Variants in NELL2 observed in about 807,000 individuals in gnomAD.
NELL2 encodes protein kinase C-binding protein NELL2.
Under a neutral mutation model 109.6 loss-of-function variants are expected in NELL2, and 41 were observed. The ratio of observed to expected loss-of-function variants is 0.37; its 90% CI spans 0.29 to 0.49. The LOEUF is 0.49. Among genes scored for constraint, NELL2 ranks in the 20% least tolerant of loss-of-function variants. The pLI, the probability that NELL2 is intolerant of heterozygous loss-of-function variation, is 0.98. For synonymous variants in NELL2, 355 were observed against 344.7 expected (o/e 1.03, Z -0.33); for missense variants, 900 against 1,008.3 (o/e 0.89, Z 1.45).
intron 15 of NELL2, among the ~76,000 whole-genome samples, chr12:44,590,791 G>C (rs939660263): frequency 1.3e-5 from 2 of 151,998 alleles, no homozygotes; most frequent in African/African-American, 4.8e-5. Flanking sequence ...AAACCGAAAA[G>C]CTTCTGCATA....
chr12:44,598,852 A>AACACACACAC (rs1555183174), intron 15 of NELL2, among the ~76,000 whole-genome samples: 2 of 60,096 alleles, frequency 3.3e-5, no homozygotes, highest in Non-Finnish European at 6.1e-5. Context: ...GTAAGAAAGA[A>AACACACACAC]ATACACACAC....
At chr12:44,875,786 T>C (rs1419076006) in intron 1 of NELL2, 29 bp downstream of exon 1, 2 of 1,612,672 alleles carry the variant, frequency 1.2e-6, no homozygotes, top group Non-Finnish European at 8.5e-7. Context: ...GCCATCCCTT[T>C]CCCCAGCCCC....
At chr12:44,896,272 A>G (rs1436055567) in intron 1 of NELL2, among the ~76,000 whole-genome samples, 2 of 152,204 alleles carry the variant, frequency 1.3e-5, no homozygotes, top group South Asian at 2.1e-4. Context: ...TGAAATACAC[A>G]GCAAAGTTTA....
At position 44,573,818 on chromosome 12, in the gene NELL2, A is replaced by G. The variant is rs569967146; in HGVS notation, c.1663+33351T>C. On this transcript the variant is annotated intron_variant, in intron 15 of 19. Transcript: ENST00000429094. The stretch of plus-strand genomic sequence containing the variant: ...AGGAAACATTTAAGAAGTATTTAAT[A>G]TGAGAATTCCTCACAACGCAGAAAG... 1.1e-4 allele frequency among the ~76,000 whole-genome samples: 16 copies of G among 152,318 alleles called. No individual in the cohort carries two copies. In the South Asian group the frequency reaches 3.3e-3, roughly 32 times the overall value.
chr12:44,584,472 T>C (rs1944426395), intron 15 of NELL2, among the ~76,000 whole-genome samples: 1 of 152,244 alleles, frequency 6.6e-6, no homozygotes, highest in Admixed American at 6.5e-5. Context: ...AACCAGCTCT[T>C]TCTGTTTCAT....
Position 44,667,664 on chromosome 12 carries a change from C to T in NELL2, c.1319-2055G>A, listed in dbSNP as rs1461426644. Among the ~76,000 whole-genome samples the T allele has an allele frequency of 2.0e-5, 3 of 152,114 alleles. No individual in the cohort carries two copies. In the East Asian group the frequency reaches 5.8e-4, roughly 29 times the overall value. Reference sequence around the variant, plus strand: ...AGGATCATAACAGCGAGTAGATAGCCACATGTCAAATTGAGTTTCTAACAG... The same window carrying T: ...AGGATCATAACAGCGAGTAGATAGCTACATGTCAAATTGAGTTTCTAACAG... On this transcript the variant is annotated intron_variant, in intron 12 of 19. Transcript: ENST00000429094.
upstream of NELL2, chr12:44,876,437 T>A: frequency 1.6e-6 from 2 of 1,282,190 alleles, no homozygotes; most frequent in Non-Finnish European, 2.0e-6. Flanking sequence ...TCAGCGTCGG[T>A]CTCCCGCACG....
At chr12:44,631,805 G>A (rs915491202) in intron 13 of NELL2, among the ~76,000 whole-genome samples, 4 of 152,068 alleles carry the variant, frequency 2.6e-5, no homozygotes, top group Non-Finnish European at 5.9e-5. Flanking sequence ...TTGAAGATGA[G>A]AGACCATTTC....
intron 1 of NELL2, among the ~76,000 whole-genome samples, chr12:44,897,275 G>A (rs1945603582): frequency 6.6e-6 from 1 of 152,102 alleles, no homozygotes; most frequent in African/African-American, 2.4e-5. Flanking sequence ...AATAAGACAT[G>A]AGAAAGAGGA....
chr12:44,868,912 G>C (rs145219678), intron 2 of NELL2, among the ~76,000 whole-genome samples: 11 of 152,122 alleles, frequency 7.2e-5, no homozygotes, highest in African/African-American at 2.7e-4. Context: ...AGTACATGAG[G>C]TAATGAATAT....
Position 44,559,358 on chromosome 12 carries a change from G to GC in NELL2, c.1664-26638dup, listed in dbSNP as rs1488861365. On this transcript the variant is annotated intron_variant, in intron 15 of 19. Transcript: ENST00000429094. ...AACCTTAAATGTAAATAGGTTAAAT[G>GC]CCCCAATTAAAAGACACAGACTAGC... Among the ~76,000 whole-genome samples, 6 of 152,140 alleles carry GC rather than the reference G, an allele frequency of 3.9e-5. No individual in the cohort carries two copies. The East Asian group carries it at 1.2e-3, about 29-fold the overall frequency.
upstream of NELL2, chr12:44,876,875 T>C: frequency 7.8e-7 from 1 of 1,284,394 alleles, no homozygotes; most frequent in South Asian, 2.5e-5. Context: ...ATGGCGAGCC[T>C]GGGAAGCCCC....
At chr12:44,592,982 C>T (rs4768065) in intron 15 of NELL2, among the ~76,000 whole-genome samples, 127,958 of 152,172 alleles carry the variant, frequency 0.84, 54,205 homozygotes, top group East Asian at 1. Flanking sequence ...AAATTTGGAA[C>T]ACTCTGCTAC....
chr12:44,785,064 T>C (rs1942112984), intron 3 of NELL2, among the ~76,000 whole-genome samples: 1 of 152,156 alleles, frequency 6.6e-6, no homozygotes, highest in Admixed American at 6.5e-5. Context: ...ATAAAGTGTA[T>C]TCAAATAGGA....
At chr12:44,830,887 C>A (rs1943866300) in intron 2 of NELL2, among the ~76,000 whole-genome samples, 1 of 151,820 alleles carries the variant, frequency 6.6e-6, no homozygotes, top group Middle Eastern at 3.2e-3. Context: ...AAATCTCATT[C>A]TCTCCCTCTC....
At chr12:44,914,761 T>C (rs537359183), upstream of NELL2, among the ~76,000 whole-genome samples, 249 of 152,030 alleles carry the variant, frequency 1.6e-3, 1 homozygote, top group African/African-American at 5.7e-3. Flanking sequence ...ACTCCTGGAG[T>C]GTAGAGAAAG....
chr12:44,631,453 TTAGA>T (rs928157489), intron 13 of NELL2, among the ~76,000 whole-genome samples: 52 of 151,922 alleles, frequency 3.4e-4, no homozygotes, highest in Admixed American at 1.3e-4. Context: ...TAAGGAAATA[TTAGA>T]TAGAAATTTA....
chr12:44,508,840 G>T lies in NELL2; in HGVS notation c.*94C>A. ...GCTATTAACAAAGCTGCATTTAGCT[G>T]CCCACAAATCACCCAATTTAAGTTT... is the stretch of plus-strand genomic sequence containing the variant. On this transcript the variant is annotated 3_prime_UTR_variant, in exon 20 of 20. Transcript: ENST00000429094. 2 of 1,037,796 alleles carry T rather than the reference G, an allele frequency of 1.9e-6. No individual in the cohort carries two copies. Among genetic ancestry groups the T allele is most frequent in the Non-Finnish European group, 2.9e-6 (2 of 679,342 alleles). The allele number at this position is 1,037,796 out of a possible 1,614,324, so 64.3% of individuals were successfully genotyped here.
Position 44,665,526 on chromosome 12 carries a change from A to T in NELL2, c.1402T>A (p.Cys468Ser). The T allele has an allele frequency of 6.2e-7, 1 of 1,613,584 alleles. No individual in the cohort carries two copies. The highest frequency in any genetic ancestry group is 8.5e-7 in the Non-Finnish European group (1 of 1,179,538). The change falls in exon 13 of 20, where the codon TGC (cysteine) becomes AGC (serine). Residue 468 changes from cysteine to serine, a missense_variant. This residue lies in a region of NELL2 where 292 missense variants were observed against 265.3 expected (regional missense o/e 1.10). Coordinates refer to ENST00000429094, the MANE Select transcript of NELL2 (RefSeq NM_001145108.2). ...VNTPGSFMCICKTGYIRIDDY... is the reference protein window; with the variant it reads ...VNTPGSFMCISKTGYIRIDDY... Reference sequence around the variant, plus strand: ...TCAATTCTGATGTATCCAGTTTTGCAGATGCACATAAAAGAACCCGGGGTG... The same window carrying T: ...TCAATTCTGATGTATCCAGTTTTGCTGATGCACATAAAAGAACCCGGGGTG...
Sources: allele counts gnomAD v4.1 joint callset (sites outside exome capture counted in the v4.1 genomes callset), GRCh38; gene constraint gnomAD v4.1.1; regional missense constraint gnomAD v4.1.1; transcripts MANE v1.5; gene names NCBI Gene and HGNC (gene_info 2026-07-23, HGNC 2026-07-21).